TNIP2: variants seen among roughly 807,000 people sequenced by gnomAD.
The protein encoded by TNIP2 is TNFAIP3 interacting protein 2.
TNIP2 carries 30 observed loss-of-function variants against 43.7 expected under a neutral mutation model. The observed-to-expected ratio is 0.69, with a 90% CI of 0.51 to 0.93. The LOEUF is 0.93. TNIP2 is among the 40% of genes least tolerant of loss of function. The pLI is 0.00. For synonymous variants in TNIP2, 260 were observed against 254.6 expected (o/e 1.02, Z -0.20); for missense variants, 599 against 591.0 (o/e 1.01, Z -0.14).
intron 1 of TNIP2, among the ~76,000 whole-genome samples, chr4:2,749,487 C>T (rs1722047382): frequency 1.3e-5 from 2 of 152,172 alleles, no homozygotes; most frequent in African/African-American, 4.8e-5. Flanking sequence ...TCCTTGTAAG[C>T]AGACAGAAGT....
chr4:2,745,399 T>C (rs1257008475), intron 3 of TNIP2, 47 bp downstream of exon 3: 1 of 1,411,316 alleles, frequency 7.1e-7, no homozygotes, highest in South Asian at 1.2e-5. Flanking sequence ...TCACTTACAG[T>C]TTGTAAGCCA....
intron 1 of TNIP2, among the ~76,000 whole-genome samples, chr4:2,749,441 A>C (rs1041582346): frequency 3.3e-5 from 5 of 152,236 alleles, no homozygotes; most frequent in Non-Finnish European, 7.3e-5. Context: ...GTAATTAGTT[A>C]AGGTGGGGAC....
chr4:2,750,747 C>G (rs1722081093), intron 1 of TNIP2, among the ~76,000 whole-genome samples: 1 of 151,506 alleles, frequency 6.6e-6, no homozygotes, highest in Non-Finnish European at 1.5e-5. Context: ...CTCCTGGCCT[C>G]AAGCAATCCT....
intron 1 of TNIP2, among the ~76,000 whole-genome samples, chr4:2,748,638 G>A (rs1722018941): frequency 7.4e-6 from 1 of 134,944 alleles, no homozygotes; most frequent in South Asian, 2.1e-4. Context: ...GATTACAGGC[G>A]TGAGCCACCA....
At chr4:2,750,387 C>T (rs993535993) in intron 1 of TNIP2, among the ~76,000 whole-genome samples, 1 of 137,498 alleles carries the variant, frequency 7.3e-6, no homozygotes, top group Non-Finnish European at 1.5e-5. Flanking sequence ...CCTATTACTG[C>T]GAGAACCCTG....
At chr4:2,746,036 G>A (rs1721939834) in intron 2 of TNIP2, 1 of 164,904 alleles carries the variant, frequency 6.1e-6, no homozygotes, top group Non-Finnish European at 1.3e-5. Flanking sequence ...TACCTCCTTT[G>A]GAGCCCATGA....
At chr4:2,755,972 G>T (rs1444219531) in intron 1 of TNIP2, 42 bp downstream of exon 1, 3 of 1,502,152 alleles carry the variant, frequency 2.0e-6, no homozygotes, top group Non-Finnish European at 2.6e-6. Context: ...GCCGCCACAC[G>T]CACTCTCGCT....
At chr4:2,750,529 T>G (rs987888614) in intron 1 of TNIP2, among the ~76,000 whole-genome samples, 2 of 151,916 alleles carry the variant, frequency 1.3e-5, no homozygotes, top group African/African-American at 2.4e-5. Flanking sequence ...TGGGTCCAAG[T>G]GTTCCTCCCG....
At position 2,747,903 on chromosome 4, in the gene TNIP2, C is replaced by T; in HGVS notation, c.319G>A (p.Glu107Lys). ...LTERLEEKER[E>K]MQQLLSQPQH... ...GGCTGGCTCAGCAGCTGCTGCATCTCCCTCTCTTTTTCTTCTAGTCGCTCA... is the reference window on the plus strand; with the variant it reads ...GGCTGGCTCAGCAGCTGCTGCATCTTCCTCTCTTTTTCTTCTAGTCGCTCA... The change falls in exon 2 of 6, where the codon GAG becomes AAG. Residue 107 changes from glutamate (E) to lysine (K), a missense_variant. Coordinates refer to ENST00000315423, the MANE Select transcript of TNIP2 (RefSeq NM_024309.4). 1.2e-6 allele frequency: 2 copies of T among 1,613,598 alleles called. No individual in the cohort carries two copies. Among genetic ancestry groups the T allele is most frequent in the African/African-American group, 1.3e-5 (1 of 75,070 alleles).
chr4:2,743,465 G>GC (rs1721849846), intron 5 of TNIP2, among the ~76,000 whole-genome samples: 1 of 152,190 alleles, frequency 6.6e-6, no homozygotes, highest in Admixed American at 6.5e-5. Flanking sequence ...AACCTGTCCA[G>GC]CCCTCTGCTG....
In TNIP2 at chr4:2,745,514, T is replaced by C; in HGVS notation, c.589A>G (p.Thr197Ala). The change falls in exon 3 of 6, where the codon ACC (threonine) becomes GCC (alanine). Residue 197 changes from threonine (T) to alanine (A), a missense_variant. By Grantham distance (58) the Thr-to-Ala change is moderately conservative (BLOSUM62 0). Transcript: ENST00000315423. ...TTCTCAATAACACTCTGGACAGAGGTGTGCCCATCTGTGTGTTCCGACTGC... is the reference window on the plus strand; with the variant it reads ...TTCTCAATAACACTCTGGACAGAGGCGTGCCCATCTGTGTGTTCCGACTGC... ...PDQSEHTDGH[T>A]SVQSVIEKLQ... 6.2e-7 allele frequency: 1 copy of C among 1,613,840 alleles called. No homozygotes were observed. Among genetic ancestry groups the C allele is most frequent in the Non-Finnish European group, 8.5e-7 (1 of 1,179,816 alleles).
chr4:2,755,471 C>A (rs372372197), intron 1 of TNIP2, among the ~76,000 whole-genome samples: 1 of 146,818 alleles, frequency 6.8e-6, no homozygotes, highest in Non-Finnish European at 1.5e-5. Flanking sequence ...CCCTCCCAAC[C>A]CCCCAGGATC....
At position 2,756,074 on chromosome 4, in the gene TNIP2, C is replaced by T. The variant is rs778892222; in HGVS notation, c.216G>A (p.Ala72=). The part of the protein sequence containing the change: ...SLVDALLEQV[A]RFREQLRRQE... Reference sequence around the variant, plus strand: ...GCCTTCGCAGCTGCTCCCGGAAGCGCGCAACCTGCTCCAGCAGCGCGTCCA... The same window carrying T: ...GCCTTCGCAGCTGCTCCCGGAAGCGTGCAACCTGCTCCAGCAGCGCGTCCA... The change falls in exon 1 of 6, where the codon GCG becomes GCA. Residue 72 remains alanine, a synonymous_variant. Transcript: ENST00000315423. The T allele has an allele frequency of 7.2e-6, 11 of 1,537,754 alleles. No homozygotes were observed. The highest frequency in any genetic ancestry group is 1.4e-5 in the African/African-American group (1 of 70,216).
At position 2,741,971 on chromosome 4, in the gene TNIP2, A is replaced by T; in HGVS notation, c.*286T>A. 1 of 304,696 alleles carries T rather than the reference A, an allele frequency of 3.3e-6. No homozygotes were observed. The highest frequency in any genetic ancestry group is 5.1e-5 in the East Asian group (1 of 19,562). 18.9% of individuals were successfully genotyped at this position (304,696 alleles called of 1,614,324 possible). ...GGGGAGGGGCTGGCACACCAGCACCAGATAGCTCTGGCTTAAGCCTGATGG... is the reference window on the plus strand; with the variant it reads ...GGGGAGGGGCTGGCACACCAGCACCTGATAGCTCTGGCTTAAGCCTGATGG... On this transcript the variant is annotated 3_prime_UTR_variant, in exon 6 of 6. Coordinates refer to ENST00000315423, the MANE Select transcript of TNIP2 (RefSeq NM_024309.4).
Position 2,745,601 on chromosome 4 carries a change from C to T in TNIP2, c.568-66G>A, listed in dbSNP as rs551226780. ...ACAGCAAGAGGGGAGAAAGCTAGAC[C>T]CAGAGGCTGAGGCCACAGATTATCA... is the stretch of plus-strand genomic sequence containing the variant. On this transcript the variant is annotated intron_variant, in intron 2 of 5. Coordinates refer to ENST00000315423, the MANE Select transcript of TNIP2 (RefSeq NM_024309.4). 2.6e-4 allele frequency: 309 copies of T among 1,169,002 alleles called. 1 individual carries two copies. In the South Asian group the frequency reaches 3.6e-3, roughly 14 times the overall value. The allele number at this position is 1,169,002 out of a possible 1,614,324, so 72.4% of individuals were successfully genotyped here.
intron 2 of TNIP2, among the ~76,000 whole-genome samples, chr4:2,746,749 G>T (rs933706769): frequency 6.6e-6 from 1 of 152,238 alleles, no homozygotes; most frequent in Non-Finnish European, 1.5e-5. Context: ...CCGGCAGTGC[G>T]AGTGAGATGG....
chr4:2,753,984 A>G (rs1722163693), intron 1 of TNIP2, among the ~76,000 whole-genome samples: 1 of 152,270 alleles, frequency 6.6e-6, no homozygotes, highest in East Asian at 1.9e-4. Flanking sequence ...TTATACACAG[A>G]GGAAAAACAG....
Position 2,756,283 on chromosome 4 carries a change from G to A in TNIP2, c.7C>T (p.Arg3Trp). ...TCCCAGCCGCCCGACCCCGGGTCCC[G>A]GGACATGGCTGTAGGCCCGCCCGGG... MS[R>W]DPGSGGWEEA... The change falls in exon 1 of 6, where the codon CGG becomes TGG. Residue 3 changes from arginine (R) to tryptophan (W), a missense_variant. Coordinates refer to ENST00000315423, the MANE Select transcript of TNIP2 (RefSeq NM_024309.4). The A allele has an allele frequency of 4.3e-6, 6 of 1,391,888 alleles. No homozygotes were observed. Among genetic ancestry groups the A allele is most frequent in the Middle Eastern group, 5.2e-4 (2 of 3,816 alleles). 86.2% of individuals were successfully genotyped at this position (1,391,888 alleles called of 1,614,324 possible).
chr4:2,742,376 C>T lies in TNIP2; in HGVS notation c.1171G>A (p.Gly391Arg), dbSNP rs1437891823. The T allele has an allele frequency of 6.2e-6, 10 of 1,607,460 alleles. No homozygotes were observed. In the Admixed American group the frequency reaches 6.7e-5, roughly 11 times the overall value. The change falls in exon 6 of 6, where the codon GGG becomes AGG. Residue 391 changes from glycine to arginine, a missense_variant. By Grantham distance (125) the Gly-to-Arg change is moderately radical. Coordinates refer to ENST00000315423, the MANE Select transcript of TNIP2 (RefSeq NM_024309.4). ...SQQPEPPAEG[G>R]HPGAAQRGQG... Reference sequence around the variant, plus strand: ...CCTCTCTGGGCCGCGCCAGGATGCCCGCCCTCTGCAGGGGGTTCTGGCTGC... The same window carrying T: ...CCTCTCTGGGCCGCGCCAGGATGCCTGCCCTCTGCAGGGGGTTCTGGCTGC...
Sources: allele counts gnomAD v4.1 joint callset (sites outside exome capture counted in the v4.1 genomes callset), GRCh38; gene constraint gnomAD v4.1.1; transcripts MANE v1.5; gene names NCBI Gene and HGNC (gene_info 2026-07-23, HGNC 2026-07-21).